The following URGCP variants were observed in gnomAD, a reference collection of about 807,000 sequenced individuals.
URGCP encodes up-regulator of cell proliferation.
A neutral mutation model predicts 24.6 loss-of-function variants in URGCP; 13 were observed. The ratio of observed to expected loss-of-function variants is 0.53; its 90% CI spans 0.34 to 0.84. URGCP has a LOEUF of 0.84. Among genes scored for constraint, URGCP ranks in the 40% least tolerant of loss-of-function variants. The probability of loss-of-function intolerance (pLI) is 0.01; values close to 1 mark genes in which losing one functional copy is unlikely to be tolerated. For synonymous variants in URGCP, 444 were observed against 487.2 expected (o/e 0.91, Z 1.17); for missense variants, 899 against 1,194.3 (o/e 0.75, Z 3.64).
At position 43,900,830 on chromosome 7, in the gene URGCP, G is replaced by A. The variant is rs375128399; in HGVS notation, c.14+5732C>T. Among the ~76,000 whole-genome samples the A allele has an allele frequency of 1.9e-3, 294 of 152,234 alleles. 2 individuals are homozygous for A. The highest frequency in any genetic ancestry group is 6.6e-3 in the African/African-American group (276 of 41,524). ...TTGTTAAGCCATAATTGAAGGTATCGTCCACTCTGTCAACACAGCTTCTTA... is the reference window on the plus strand; with the variant it reads ...TTGTTAAGCCATAATTGAAGGTATCATCCACTCTGTCAACACAGCTTCTTA... On this transcript the variant is annotated intron_variant, in intron 1 of 5. Coordinates refer to ENST00000453200, the MANE Select transcript of URGCP (RefSeq NM_001077663.3).
chr7:43,898,384 G>C (rs533524593), intron 1 of URGCP, among the ~76,000 whole-genome samples: 2 of 152,302 alleles, frequency 1.3e-5, no homozygotes, highest in East Asian at 3.9e-4. Context: ...GTAGCAACAA[G>C]AAAAATAATA....
rs552700656 is a variant in URGCP at position 43,918,028 on chromosome 7, C to T, written c.-116+8104G>A. On this transcript the variant is annotated intron_variant, in intron 1 of 5. Transcript: ENST00000426198. ...GTGGTTCACGCCTGTAATCCCAGCA[C>T]TTTGGGAGGCTGAGGCAAGTGGATC... Among the ~76,000 whole-genome samples the T allele has an allele frequency of 3.1e-3, 471 of 152,090 alleles. 2 individuals carry two copies. In the Middle Eastern group the frequency reaches 0.034, roughly 11 times the overall value.
upstream of URGCP, among the ~76,000 whole-genome samples, chr7:43,910,258 CAG>C (rs1398233399): frequency 6.6e-6 from 1 of 152,124 alleles, no homozygotes; most frequent in East Asian, 1.9e-4. Context: ...CTCTGTTGCC[CAG>C]GCTGAAGTGC....
intron 1 of URGCP, among the ~76,000 whole-genome samples, chr7:43,895,501 C>A (rs2095876955): frequency 6.6e-6 from 1 of 152,220 alleles, no homozygotes; most frequent in East Asian, 1.9e-4. Context: ...CATGGCAAAA[C>A]CCTGTCTCTA....
chr7:43,911,050 A>G (rs1429603607), upstream of URGCP, among the ~76,000 whole-genome samples: 1 of 152,172 alleles, frequency 6.6e-6, no homozygotes, highest in African/African-American at 2.4e-5. Flanking sequence ...ACTTTCAATA[A>G]TAGTACAATC....
chr7:43,912,831 A>G (rs1403505817), intron 1 of URGCP, among the ~76,000 whole-genome samples: 2 of 151,634 alleles, frequency 1.3e-5, no homozygotes. Flanking sequence ...TTTTCTGTGA[A>G]TGTCTTAATT....
At chr7:43,881,275 T>C in intron 5 of URGCP, 1 of 701,368 alleles carries the variant, frequency 1.4e-6, no homozygotes, top group Non-Finnish European at 2.6e-6. Flanking sequence ...AGTATCCTGA[T>C]CTGCAAATGA....
At chr7:43,882,121 G>C in intron 3 of URGCP, 164 bp from the exon 4 acceptor site, 1 of 1,201,040 alleles carries the variant, frequency 8.3e-7, no homozygotes, top group South Asian at 1.6e-5. Flanking sequence ...AACAAAGCAA[G>C]ACCCTGTGTC....
At position 43,915,146 on chromosome 7, in the gene URGCP, T is replaced by G. The variant is rs558410664; in HGVS notation, c.-116+10986A>C. Among the ~76,000 whole-genome samples the G allele has an allele frequency of 1.6e-4, 25 of 152,346 alleles. No individual in the cohort carries two copies. The South Asian group carries it at 5.2e-3, about 32-fold the overall frequency. ...TTTTGCTGAGATGAGAGCTTTCTTT[T>G]AATAAATTCTGCTCTCCTCACCTTT... is the stretch of plus-strand genomic sequence containing the variant. On this transcript the variant is annotated intron_variant, in intron 1 of 5. Transcript: ENST00000426198.
At chr7:43,903,626 G>C (rs896469219) in intron 1 of URGCP, among the ~76,000 whole-genome samples, 9 of 152,124 alleles carry the variant, frequency 5.9e-5, no homozygotes, top group African/African-American at 1.9e-4. Flanking sequence ...TGGAAATTTA[G>C]GATGAATAGT....
At chr7:43,916,289 G>C (rs981012604) in intron 1 of URGCP, among the ~76,000 whole-genome samples, 2 of 152,094 alleles carry the variant, frequency 1.3e-5, no homozygotes, top group African/African-American at 2.4e-5. Flanking sequence ...TACGCTACAG[G>C]CTTTTTTCCT....
chr7:43,922,813 T>C (rs2095923957), intron 1 of URGCP, among the ~76,000 whole-genome samples: 1 of 152,088 alleles, frequency 6.6e-6, no homozygotes, highest in South Asian at 2.1e-4. Context: ...AACTCCTGGA[T>C]TGGGTGATCC....
upstream of URGCP, among the ~76,000 whole-genome samples, chr7:43,910,321 T>C (rs2095908616): frequency 6.6e-6 from 1 of 151,964 alleles, no homozygotes; most frequent in African/African-American, 2.4e-5. Context: ...CTCAAAGTGA[T>C]TCTCCCATCT....
At chr7:43,906,879 C>T, upstream of URGCP, 1 of 220,560 alleles carries the variant, frequency 4.5e-6, no homozygotes, top group Non-Finnish European at 8.9e-6. Flanking sequence ...TGTAGGATAA[C>T]CTGCCCCAGG....
At chr7:43,901,978 G>T (rs1047128920) in intron 1 of URGCP, among the ~76,000 whole-genome samples, 2 of 152,182 alleles carry the variant, frequency 1.3e-5, no homozygotes, top group Non-Finnish European at 2.9e-5. Context: ...CAGGAGGGTG[G>T]ATGAGGTCTC....
In URGCP at chr7:43,882,165, A is replaced by G. The variant is rs1009549054; in HGVS notation, c.113-208T>C. 8.2e-5 allele frequency: 52 copies of G among 635,058 alleles called. No homozygotes were observed. In the East Asian group the frequency reaches 1.5e-3, roughly 19 times the overall value. The allele number at this position is 635,058 out of a possible 1,614,324, so 39.3% of individuals were successfully genotyped here. A position where few individuals can be genotyped will look rare whatever the true frequency, so the allele number is the denominator to read the frequency against. On this transcript the variant is annotated intron_variant, in intron 3 of 5. Coordinates refer to ENST00000453200, the MANE Select transcript of URGCP (RefSeq NM_001077663.3). ...CTTTTTTTAAAAAATTAGGCCAGGC[A>G]TGGTGGCTCATGCCTGTAATCTCAG...
At chr7:43,891,440 G>C (rs1168541766) in intron 1 of URGCP, among the ~76,000 whole-genome samples, 2 of 150,060 alleles carry the variant, frequency 1.3e-5, no homozygotes, top group East Asian at 3.8e-4. Flanking sequence ...AAGCACATAA[G>C]CTGTAAGTCT....
At chr7:43,917,736 A>C (rs1036019530) in intron 1 of URGCP, among the ~76,000 whole-genome samples, 1 of 152,194 alleles carries the variant, frequency 6.6e-6, no homozygotes, top group Non-Finnish European at 1.5e-5. Context: ...TAAAGGATTT[A>C]AAAGGATTTT....
intron 1 of URGCP, chr7:43,888,174 T>G (rs1304888899): frequency 5.3e-6 from 1 of 187,076 alleles, no homozygotes; most frequent in African/African-American, 2.4e-5. Context: ...TGAATTATTT[T>G]AAATAGCTAT....
Sources: allele counts gnomAD v4.1 joint callset (sites outside exome capture counted in the v4.1 genomes callset), GRCh38; gene constraint gnomAD v4.1.1; transcripts MANE v1.5; gene names NCBI Gene and HGNC (gene_info 2026-07-23, HGNC 2026-07-21).